TNFRSF10A: variants seen among roughly 807,000 people sequenced by gnomAD.
TNFRSF10A encodes the protein TNF receptor superfamily member 10a.
TNFRSF10A carries 44 observed loss-of-function variants against 42.8 expected under a neutral mutation model. The observed-to-expected ratio is 1.03, with a 90% CI of 0.81 to 1.32. The LOEUF (loss-of-function observed/expected upper bound fraction) is 1.32, where lower values mean the gene tolerates loss of function less well. Ranked by LOEUF, TNFRSF10A falls within the 40% of genes most tolerant of loss-of-function variation. The pLI, the probability that TNFRSF10A is intolerant of heterozygous loss-of-function variation, is 0.00. For missense variants in TNFRSF10A, 680 were observed against 602.0 expected, an observed-to-expected ratio of 1.13 and a Z score of -1.36; for synonymous variants, 259 against 234.2, an observed-to-expected ratio of 1.11 and a Z score of -0.97.
Position 23,225,026 on chromosome 8 carries a change from C to G in TNFRSF10A, c.36G>C (p.Ala12=). The G allele has an allele frequency of 6.3e-7, 1 of 1,578,010 alleles. No homozygotes were observed. Among genetic ancestry groups the G allele is most frequent in the South Asian group, 1.2e-5 (1 of 86,652 alleles). ...CGGGATTCGGAGTCACTGCCAGGAA[C>G]GCACCTAGATGTACTCTAGCTGGTG... ...APPPARVHLG[A]FLAVTPNPGS... Residue 12 remains alanine (A), a synonymous_variant, in exon 1 of 10, where the codon GCG becomes GCC. Transcript: ENST00000221132.
At chr8:23,206,028 T>A (rs1801001323) in intron 2 of TNFRSF10A, among the ~76,000 whole-genome samples, 2 of 152,256 alleles carry the variant, frequency 1.3e-5, no homozygotes, top group Non-Finnish European at 1.5e-5. Flanking sequence ...TGTCTGTGTT[T>A]CTATCTTAGT....
At chr8:23,196,254 C>A (rs756495064) in intron 9 of TNFRSF10A, among the ~76,000 whole-genome samples, 84 of 152,192 alleles carry the variant, frequency 5.5e-4, no homozygotes, top group Non-Finnish European at 1.0e-3. Flanking sequence ...AGTGCAGTAG[C>A]GCTATCTTGG....
At chr8:23,203,296 A>C (rs1362484722) in intron 2 of TNFRSF10A, among the ~76,000 whole-genome samples, 1 of 152,210 alleles carries the variant, frequency 6.6e-6, no homozygotes. Context: ...GCTCTTGGTC[A>C]GTAGAAGGTA....
At chr8:23,200,783 G>GC (rs1246957207) in intron 4 of TNFRSF10A, 23 bp from the exon 5 acceptor site, 1 of 1,558,670 alleles carries the variant, frequency 6.4e-7, no homozygotes, top group African/African-American at 1.4e-5. Flanking sequence ...AGGGAGGGAG[G>GC]GGGGGGACTC....
intron 2 of TNFRSF10A, among the ~76,000 whole-genome samples, chr8:23,203,569 T>C (rs1291665372): frequency 6.6e-6 from 1 of 152,200 alleles, no homozygotes; most frequent in East Asian, 1.9e-4. Context: ...CCCCTTCAGG[T>C]GACCTCACTC....
At chr8:23,219,603 A>T (rs1801229462) in intron 1 of TNFRSF10A, among the ~76,000 whole-genome samples, 1 of 152,256 alleles carries the variant, frequency 6.6e-6, no homozygotes, top group Non-Finnish European at 1.5e-5. Context: ...TCTTAAAAGC[A>T]GCCAGAGAAC....
At chr8:23,193,378 G>A (rs1264043471) in intron 9 of TNFRSF10A, among the ~76,000 whole-genome samples, 2 of 152,176 alleles carry the variant, frequency 1.3e-5, no homozygotes, top group Non-Finnish European at 2.9e-5. Context: ...GATTACTTCC[G>A]AAGAACTGCC....
intron 2 of TNFRSF10A, chr8:23,207,351 C>G: frequency 1.7e-6 from 1 of 584,458 alleles, no homozygotes; most frequent in East Asian, 4.3e-5. Flanking sequence ...ATGTTGCCAA[C>G]AAAATTGGGA....
intron 2 of TNFRSF10A, 119 bp from the exon 3 acceptor site, chr8:23,202,880 T>G: frequency 1.5e-6 from 1 of 676,300 alleles, no homozygotes; most frequent in East Asian, 2.7e-5. Context: ...AAATCCCATC[T>G]TCTTGGCTTG....
chr8:23,218,046 A>T (rs376252473), intron 1 of TNFRSF10A, among the ~76,000 whole-genome samples: 2 of 152,054 alleles, frequency 1.3e-5, no homozygotes, highest in African/African-American at 4.8e-5. Flanking sequence ...CTGGGACACA[A>T]CTCTGAGGTT....
At chr8:23,208,298 G>T (rs1485935760) in intron 2 of TNFRSF10A, among the ~76,000 whole-genome samples, 3 of 152,176 alleles carry the variant, frequency 2.0e-5, no homozygotes, top group Non-Finnish European at 4.4e-5. Flanking sequence ...GTATGTGGCA[G>T]AAGAAATTTC....
intron 1 of TNFRSF10A, among the ~76,000 whole-genome samples, chr8:23,219,978 G>A (rs923544520): frequency 6.6e-6 from 1 of 152,170 alleles, no homozygotes; most frequent in African/African-American, 2.4e-5. Context: ...CCTCTGAGCT[G>A]CACACACTTT....
chr8:23,210,391 A>G (rs1213155968), intron 2 of TNFRSF10A, among the ~76,000 whole-genome samples: 1 of 152,130 alleles, frequency 6.6e-6, no homozygotes, highest in Non-Finnish European at 1.5e-5. Context: ...GCATACAAAA[A>G]GAATTATAGG....
At chr8:23,199,966 C>G in intron 6 of TNFRSF10A, 49 bp from the exon 7 acceptor site, 1 of 1,606,610 alleles carries the variant, frequency 6.2e-7, no homozygotes, top group Non-Finnish European at 8.5e-7. Flanking sequence ...GCCCATGCAG[C>G]ACTCCTTCTT....
intron 2 of TNFRSF10A, 59 bp downstream of exon 2, chr8:23,212,057 A>T: frequency 7.0e-7 from 1 of 1,428,388 alleles, no homozygotes; most frequent in Non-Finnish European, 9.8e-7. Flanking sequence ...ATTTTTGTAT[A>T]TAGTATAGGG....
intron 1 of TNFRSF10A, among the ~76,000 whole-genome samples, chr8:23,221,855 G>A (rs1283234908): frequency 2.0e-5 from 3 of 151,906 alleles, no homozygotes; most frequent in Non-Finnish European, 4.4e-5. Flanking sequence ...TAAGGGTGCA[G>A]GGACACGGGC....
rs141006657 is a variant in TNFRSF10A at position 23,217,737 on chromosome 8, C to T, written c.307-5525G>A. On this transcript the variant is annotated intron_variant, in intron 1 of 9. Transcript: ENST00000221132. ...CCTAGAACCCATGTTACTCATTCAT[C>T]CAAGGAGGGCATGTCGGCGCCTGGT... Among the ~76,000 whole-genome samples, 72 of 152,264 alleles carry T rather than the reference C, an allele frequency of 4.7e-4. 1 individual carries two copies. The Middle Eastern group carries it at 0.02, about 43-fold the overall frequency.
intron 1 of TNFRSF10A, among the ~76,000 whole-genome samples, chr8:23,215,056 G>A (rs1050593814): frequency 3.3e-5 from 5 of 152,120 alleles, no homozygotes; most frequent in South Asian, 2.1e-4. Context: ...GTGGTTATAC[G>A]GGAGAATGTC....
rs755805023 is a variant in TNFRSF10A at position 23,197,206 on chromosome 8, T to C, written c.1015-2A>G. ...AGACCCTTCAGCTTCTGCCGGTCCC[T>C]GTAACACACAGTGGGGAATGCCTTG... On this transcript the variant is annotated splice_acceptor_variant, in intron 8 of 9. Coordinates refer to ENST00000221132, the MANE Select transcript of TNFRSF10A (RefSeq NM_003844.4). LOFTEE classifies it high-confidence loss of function. The C allele has an allele frequency of 4.3e-6, 7 of 1,613,986 alleles. No homozygotes were observed. In the East Asian group the frequency reaches 1.6e-4, roughly 36 times the overall value.
Sources: gnomAD v4.1 joint callset for allele counts (sites outside exome capture counted in the v4.1 genomes callset) on GRCh38, gnomAD v4.1.1 for gene constraint, MANE v1.5 for transcripts, NCBI Gene and HGNC (gene_info 2026-07-23, HGNC 2026-07-21) for gene names.